IL1RAPL2: variants seen among roughly 807,000 people sequenced by gnomAD.
IL1RAPL2 encodes X-linked interleukin-1 receptor accessory protein-like 2.
Under a neutral mutation model 44.1 loss-of-function variants are expected in IL1RAPL2, and 3 were observed. The ratio of observed to expected loss-of-function variants is 0.07; its 90% confidence interval spans 0.03 to 0.18. IL1RAPL2 has a LOEUF of 0.18. Among genes scored for constraint, IL1RAPL2 ranks in the 10% least tolerant of loss-of-function variants. IL1RAPL2 has a pLI of 1.00. For missense variants in IL1RAPL2, 391 were observed against 496.4 expected (o/e 0.79, Z 2.02); for synonymous variants, 181 against 178.8 (o/e 1.01, Z -0.10).
At chrX:104,950,715 G>GTT (rs36104046) in intron 2 of IL1RAPL2, among the ~76,000 whole-genome samples, 233 of 99,060 alleles carry the variant, frequency 2.4e-3, no homozygotes, top group East Asian at 3.7e-3. Flanking sequence ...TTTTGTTTTT[G>GTT]TTTTTTTTTT....
At chrX:105,565,773 T>C in intron 6 of IL1RAPL2, among the ~76,000 whole-genome samples, 1 of 112,110 alleles carries the variant, frequency 8.9e-6, no homozygotes, top group African/African-American at 3.2e-5. Context: ...AAGCACAGAT[T>C]CTGTTGTTTT....
At chrX:105,209,684 AT>A (rs1190355583) in intron 3 of IL1RAPL2, among the ~76,000 whole-genome samples, 1 of 112,231 alleles carries the variant, frequency 8.9e-6, no homozygotes, top group Non-Finnish European at 1.9e-5. Context: ...AGTAGAATTA[AT>A]TTTTATGTAT....
chrX:105,685,412 G>A (rs750709855), intron 6 of IL1RAPL2, among the ~76,000 whole-genome samples: 25 of 111,710 alleles, frequency 2.2e-4, no homozygotes, highest in African/African-American at 6.5e-4. Flanking sequence ...TGATGCATGC[G>A]GAAGTTTCAA....
At chrX:105,152,022 A>G (rs2033231977) in intron 2 of IL1RAPL2, among the ~76,000 whole-genome samples, 2 of 110,652 alleles carry the variant, frequency 1.8e-5, no homozygotes, top group African/African-American at 6.6e-5. Context: ...GAGGTGAGGG[A>G]TAAAAGACTA....
chrX:105,485,046 T>C lies in IL1RAPL2; in HGVS notation c.772+659T>C, dbSNP rs1452601841. ...GAGGCCTGCTAGGATCTCTTTCAAA[T>C]TGTGGCCTTTAATTTAAATCATGCC... On this transcript the variant is annotated intron_variant, in intron 6 of 10. Transcript: ENST00000372582. Among the ~76,000 whole-genome samples, 11 of 111,924 alleles carry C rather than the reference T, an allele frequency of 9.8e-5. No individual in the cohort carries two copies. In the Admixed American group the frequency reaches 1.0e-3, roughly 11 times the overall value.
chrX:105,249,367 A>AGAGG (rs1345871317), intron 4 of IL1RAPL2, among the ~76,000 whole-genome samples: 1 of 111,280 alleles, frequency 9.0e-6, no homozygotes, highest in Non-Finnish European at 1.9e-5. Context: ...GGGGTTGCAG[A>AGAGG]GAGGTGGGGA....
intron 2 of IL1RAPL2, among the ~76,000 whole-genome samples, chrX:104,771,387 T>A (rs2147597615): frequency 8.9e-6 from 1 of 112,594 alleles, no homozygotes; most frequent in South Asian, 3.7e-4. Context: ...TCGTCAGCCT[T>A]TGAGGCTGAT....
At chrX:105,701,715 T>C (rs2038120903) in intron 6 of IL1RAPL2, among the ~76,000 whole-genome samples, 1 of 112,170 alleles carries the variant, frequency 8.9e-6, no homozygotes, top group Admixed American at 9.5e-5. Flanking sequence ...TTGATCATTT[T>C]AAGAGCATCT....
At chrX:104,960,938 T>C (rs183110289) in intron 2 of IL1RAPL2, among the ~76,000 whole-genome samples, 23 of 111,841 alleles carry the variant, frequency 2.1e-4, no homozygotes, top group Non-Finnish European at 4.1e-4. Flanking sequence ...ACTTGGCTCT[T>C]CCTTGACAAG....
chrX:105,689,622 A>G (rs1350526529), intron 6 of IL1RAPL2, among the ~76,000 whole-genome samples: 2 of 112,148 alleles, frequency 1.8e-5, no homozygotes, highest in East Asian at 5.7e-4. Flanking sequence ...TGTTGGTGGG[A>G]GTGTAAACTA....
chrX:104,570,991 C>G lies in IL1RAPL2; in HGVS notation c.-20+3940C>G, dbSNP rs147700761. 3.5e-3 allele frequency among the ~76,000 whole-genome samples: 380 copies of G among 109,801 alleles called. 2 individuals carry two copies. The highest frequency in any genetic ancestry group is 0.012 in the African/African-American group (357 of 30,083). On this transcript the variant is annotated intron_variant, in intron 1 of 10. Coordinates refer to ENST00000372582, the MANE Select transcript of IL1RAPL2 (RefSeq NM_017416.2). ...TTTTAATGAGGTCCTTATTCTCTAA[C>G]CCTAGCACCTCTGATCTCATTCATC...
intron 3 of IL1RAPL2, among the ~76,000 whole-genome samples, chrX:105,202,797 A>T (rs2033728862): frequency 9.0e-6 from 1 of 111,590 alleles, no homozygotes; most frequent in Non-Finnish European, 1.9e-5. Context: ...CACTGTTTAA[A>T]CCTAACTGTC....
chrX:105,429,564 A>G (rs761285425), intron 5 of IL1RAPL2, among the ~76,000 whole-genome samples: 1 of 112,158 alleles, frequency 8.9e-6, no homozygotes, highest in South Asian at 3.7e-4. Flanking sequence ...CAAACAAGGC[A>G]GGTAATTATA....
Position 104,874,594 on chromosome X carries a change from G to A in IL1RAPL2, c.82+215599G>A, listed in dbSNP as rs1399802228. 2.7e-5 allele frequency among the ~76,000 whole-genome samples: 3 copies of A among 111,184 alleles called. No homozygotes were observed. The East Asian group carries it at 8.5e-4, about 32-fold the overall frequency. Reference sequence around the variant, plus strand: ...CACTAGAAAAATCAATGGCTGGTAAGTAGAAATCGGCAAAATTGGCAGGAA... The same window carrying A: ...CACTAGAAAAATCAATGGCTGGTAAATAGAAATCGGCAAAATTGGCAGGAA... On this transcript the variant is annotated intron_variant, in intron 2 of 10. Transcript: ENST00000372582.
chrX:105,187,014 T>G, intron 2 of IL1RAPL2, among the ~76,000 whole-genome samples: 1 of 111,824 alleles, frequency 8.9e-6, no homozygotes, highest in Non-Finnish European at 1.9e-5. Flanking sequence ...TGCTTACAGT[T>G]TTGAGTACAC....
chrX:104,763,654 C>A (rs1932504247), intron 2 of IL1RAPL2, among the ~76,000 whole-genome samples: 1 of 111,693 alleles, frequency 9.0e-6, no homozygotes, highest in East Asian at 2.8e-4. Flanking sequence ...AGCAAACATG[C>A]TCTTCTTCAC....
chrX:105,588,655 C>G (rs6652400), intron 6 of IL1RAPL2, among the ~76,000 whole-genome samples: 1 of 111,682 alleles, frequency 9.0e-6, no homozygotes, highest in Admixed American at 9.6e-5. Context: ...GTTTTCTGTT[C>G]CTGTGTTAAT....
At chrX:104,763,133 C>T (rs1186081474) in intron 2 of IL1RAPL2, among the ~76,000 whole-genome samples, 1 of 111,796 alleles carries the variant, frequency 8.9e-6, no homozygotes, top group Non-Finnish European at 1.9e-5. Flanking sequence ...TTTCTTCCAC[C>T]AGATACCCTA....
chrX:104,880,057 C>T (rs182070078), intron 2 of IL1RAPL2, among the ~76,000 whole-genome samples: 58 of 93,945 alleles, frequency 6.2e-4, no homozygotes, highest in African/African-American at 1.9e-3. Flanking sequence ...CTGCTGAGTA[C>T]GCTAAATCTG....
Sources: gnomAD v4.1 joint callset for allele counts (sites outside exome capture counted in the v4.1 genomes callset) on GRCh38, gnomAD v4.1.1 for gene constraint, MANE v1.5 for transcripts, NCBI Gene and HGNC (gene_info 2026-07-23, HGNC 2026-07-21) for gene names.